The following RCBTB2 variants were observed in gnomAD, a reference collection of about 807,000 sequenced individuals.
The protein encoded by RCBTB2 is RCC1 and BTB domain-containing protein 2.
Under a neutral mutation model 65.4 loss-of-function variants are expected in RCBTB2, and 55 were observed. That is an observed-to-expected ratio of 0.84 (90% CI 0.68 to 1.05). The LOEUF (loss-of-function observed/expected upper bound fraction) is 1.05, where lower values mean the gene tolerates loss of function less well. Among genes scored for constraint, RCBTB2 ranks in the 50% least tolerant of loss-of-function variants. The pLI, the probability that RCBTB2 is intolerant of heterozygous loss-of-function variation, is 0.00. For synonymous variants in RCBTB2, 220 were observed against 255.2 expected (o/e 0.86, Z 1.31); for missense variants, 599 against 680.1 (o/e 0.88, Z 1.33).
In RCBTB2 at chr13:48,511,835, C is replaced by T. The variant is rs777515977; in HGVS notation, c.718G>A (p.Gly240Ser). 2.8e-5 allele frequency: 45 copies of T among 1,614,156 alleles called. No individual in the cohort carries two copies. Among genetic ancestry groups the T allele is most frequent in the South Asian group, 1.2e-4 (11 of 91,068 alleles). Residue 240 changes from glycine (G) to serine (S), a missense_variant, in exon 9 of 15, where the codon GGC (glycine) becomes AGC (serine). Physicochemically the swap from Gly to Ser is moderately conservative, Grantham distance 56. Transcript: ENST00000344532. ...GGGGTTGGCTGGTTGCCACTGTTGC[C>T]GAGTCCAAGCTGCCCGTTTCCGTTG... ...GYNGNGQLGL[G>S]NSGNQPTPCR...
In RCBTB2 at chr13:48,502,774, A is replaced by T; in HGVS notation, c.1067T>A (p.Val356Glu). 6.2e-7 allele frequency: 1 copy of T among 1,613,974 alleles called. No homozygotes were observed. The highest frequency in any genetic ancestry group is 8.5e-7 in the Non-Finnish European group (1 of 1,179,872). Reference sequence around the variant, plus strand: ...GGCGGGCGTGGCAAAGCAGGCAAACACGTCGTCAGTGCAGGAGAAGTGGGT... The same window carrying T: ...GGCGGGCGTGGCAAAGCAGGCAAACTCGTCGTCAGTGCAGGAGAAGTGGGT... ...HLTHFSCTDD[V>E]FACFATPAVT... Residue 356 changes from valine to glutamate, a missense_variant, in exon 11 of 15, where the codon GTG becomes GAG. Physicochemically the swap from Val to Glu is moderately radical, Grantham distance 121 (BLOSUM62 -2). Transcript: ENST00000344532.
intron 12 of RCBTB2, among the ~76,000 whole-genome samples, chr13:48,500,732 C>T (rs993880408): frequency 7.2e-5 from 11 of 152,128 alleles, no homozygotes. Context: ...CACAAGAAAC[C>T]CATCCAGGTG....
At chr13:48,515,148 T>C in intron 6 of RCBTB2, 57 bp downstream of exon 6, 3 of 1,509,446 alleles carry the variant, frequency 2.0e-6, no homozygotes, top group Middle Eastern at 1.7e-4. Context: ...AATTAAACAA[T>C]GTTCTCAAGG....
chr13:48,509,616 T>A (rs2138520453), intron 10 of RCBTB2, among the ~76,000 whole-genome samples: 1 of 152,246 alleles, frequency 6.6e-6, no homozygotes, highest in East Asian at 1.9e-4. Flanking sequence ...AATTTTAAGG[T>A]TTTTGGAGAA....
chr13:48,510,270 C>T lies in RCBTB2; in HGVS notation c.926+359G>A, dbSNP rs9332002. ...TACCTTTTCCTAAGCCAGGGAAGAG[C>T]GACCTTGAATGTTATTGACACCCCC... On this transcript the variant is annotated intron_variant, in intron 10 of 14. Coordinates refer to ENST00000344532, the MANE Select transcript of RCBTB2 (RefSeq NM_001268.4). Among the ~76,000 whole-genome samples, 1,503 of 152,172 alleles carry T rather than the reference C, an allele frequency of 9.9e-3. 34 individuals are homozygous for T. The highest frequency in any genetic ancestry group is 0.034 in the African/African-American group (1,423 of 41,496).
rs1288326580 is a variant in RCBTB2, at chr13:48,521,888, T to C, written c.42+10A>G. ...ACACACATGCTCCAAGGGCATGATT[T>C]TTTTCTAACCTTGCCACTGTCTCCA... On this transcript the variant is annotated intron_variant, in intron 4 of 14. Transcript: ENST00000344532. 6.2e-7 allele frequency: 1 copy of C among 1,613,400 alleles called. No homozygotes were observed. The highest frequency in any genetic ancestry group is 8.5e-7 in the Non-Finnish European group (1 of 1,179,654).
chr13:48,518,492 T>C (rs931793132), intron 4 of RCBTB2, among the ~76,000 whole-genome samples: 4 of 146,550 alleles, frequency 2.7e-5, no homozygotes, highest in Middle Eastern at 3.6e-3. Context: ...TATATATATA[T>C]ATATTTACCT....
intron 10 of RCBTB2, among the ~76,000 whole-genome samples, chr13:48,509,771 T>A (rs568892769): frequency 7.9e-5 from 12 of 152,312 alleles, no homozygotes; most frequent in Admixed American, 7.2e-4. Context: ...GGTTCTTCAT[T>A]TTCATTGTTA....
In RCBTB2 at chr13:48,493,225, T is replaced by TCACACACACACACACACACACACA. The variant is rs3085589; in HGVS notation, c.1515+2942_1515+2965dup. On this transcript the variant is annotated intron_variant, in intron 14 of 14. Transcript: ENST00000344532. Reference sequence around the variant, plus strand: ...TATACAGCCTCCTAAGTACCCTCCTTCACACACACACACACACACACACAC... The same window carrying TCACACACACACACACACACACACA: ...TATACAGCCTCCTAAGTACCCTCCTTCACACACACACACACACACACACACACACACACACACACACACACACAC... 2.3e-3 allele frequency among the ~76,000 whole-genome samples: 246 copies of TCACACACACACACACACACACACA among 109,004 alleles called. 5 individuals carry two copies. Among genetic ancestry groups the TCACACACACACACACACACACACA allele is most frequent in the African/African-American group, 9.6e-3 (173 of 18,060 alleles). The allele number at this position is 109,004 out of a possible 152,430, so 71.5% of individuals were successfully genotyped here. A position where few individuals can be genotyped will look rare whatever the true frequency, so the allele number is the denominator to read the frequency against.
In RCBTB2 at chr13:48,511,646, T is replaced by A. The variant is rs113469790; in HGVS notation, c.783+124A>T. On this transcript the variant is annotated intron_variant, in intron 9 of 14. Coordinates refer to ENST00000344532, the MANE Select transcript of RCBTB2 (RefSeq NM_001268.4). Reference sequence around the variant, plus strand: ...AAGGAAAAAGAGACTTAACCTTTACTTTAATGAAGACATCCAAGCAGCTAA... The same window carrying A: ...AAGGAAAAAGAGACTTAACCTTTACATTAATGAAGACATCCAAGCAGCTAA... 7.0e-5 allele frequency: 56 copies of A among 802,258 alleles called. 2 individuals are homozygous for A. In the African/African-American group the frequency reaches 7.7e-4, roughly 11 times the overall value. 49.7% of individuals were successfully genotyped at this position (802,258 alleles called of 1,614,324 possible).
chr13:48,510,498 G>A (rs1950721615), intron 10 of RCBTB2, 131 bp downstream of exon 10: 3 of 1,128,210 alleles, frequency 2.7e-6, no homozygotes, highest in African/African-American at 3.1e-5. Context: ...TTTTTCTAAA[G>A]GAATAAATAC....
intron 1 of RCBTB2, among the ~76,000 whole-genome samples, chr13:48,528,013 C>T (rs1268390776): frequency 2.0e-5 from 3 of 152,118 alleles, no homozygotes; most frequent in Admixed American, 6.5e-5. Flanking sequence ...CTCGGTAATA[C>T]CTCTGACCTA....
rs569245458 is a variant in RCBTB2 at position 48,503,025 on chromosome 13, G to A, written c.927-111C>T. On this transcript the variant is annotated intron_variant, in intron 10 of 14. Coordinates refer to ENST00000344532, the MANE Select transcript of RCBTB2 (RefSeq NM_001268.4). ...GGGACATCATAAAATTACAAAAAGG[G>A]TCAGGAAAAGGAAAAAACAAAACAA... The A allele has an allele frequency of 9.2e-4, 1,113 of 1,216,138 alleles. 2 individuals are homozygous for A. Among genetic ancestry groups the A allele is most frequent in the South Asian group, 2.4e-3 (139 of 57,622 alleles). The allele number at this position is 1,216,138 out of a possible 1,614,324, so 75.3% of individuals were successfully genotyped here. A position where few individuals can be genotyped will look rare whatever the true frequency, so the allele number is the denominator to read the frequency against.
intron 5 of RCBTB2, 56 bp downstream of exon 5, chr13:48,515,530 T>A: frequency 6.7e-7 from 1 of 1,493,302 alleles, no homozygotes; most frequent in Non-Finnish European, 9.1e-7. Context: ...AGATCTTCAA[T>A]TTGGCAAATC....
At chr13:48,524,342 C>G (rs1951591009) in intron 2 of RCBTB2, among the ~76,000 whole-genome samples, 1 of 152,148 alleles carries the variant, frequency 6.6e-6, no homozygotes, top group Non-Finnish European at 1.5e-5. Context: ...TAAATAACAA[C>G]AGCAATAACA....
upstream of RCBTB2, chr13:48,533,166 G>A (rs1355485846): frequency 2.6e-6 from 1 of 378,368 alleles, no homozygotes; most frequent in Non-Finnish European, 5.3e-6. Flanking sequence ...GTGCCCGGCC[G>A]AGACGGAAAC....
intron 13 of RCBTB2, among the ~76,000 whole-genome samples, chr13:48,499,166 T>A (rs113926349): frequency 0.024 from 3,567 of 148,792 alleles, 156 homozygotes; most frequent in African/African-American, 0.085. Flanking sequence ...TCTCTCTCTC[T>A]CTCACACACA....
chr13:48,495,368 CTATT>C (rs1344192171), intron 14 of RCBTB2, among the ~76,000 whole-genome samples: 1 of 150,848 alleles, frequency 6.6e-6, no homozygotes, highest in Non-Finnish European at 1.5e-5. Context: ...TTTTATTCAG[CTATT>C]TATACTTTTT....
chr13:48,506,157 G>C (rs1950493616), intron 10 of RCBTB2, among the ~76,000 whole-genome samples: 1 of 152,202 alleles, frequency 6.6e-6, no homozygotes, highest in Admixed American at 6.5e-5. Context: ...AGCAATGCAG[G>C]ACCAACATGC....
Sources: allele counts gnomAD v4.1 joint callset (sites outside exome capture counted in the v4.1 genomes callset), GRCh38; gene constraint gnomAD v4.1.1; transcripts MANE v1.5; gene names NCBI Gene and HGNC (gene_info 2026-07-23, HGNC 2026-07-21).